The following BSN variants were observed in gnomAD, a reference collection of about 807,000 sequenced individuals.
The protein encoded by BSN is protein bassoon.
In BSN, 57 loss-of-function variants were observed where a neutral mutation model predicts 264.8. The observed-to-expected ratio is 0.22, with a 90% CI of 0.17 to 0.27. BSN has a LOEUF of 0.27. Among genes scored for constraint, BSN ranks in the 10% least tolerant of loss-of-function variants. The pLI is 1.00. For missense variants in BSN, 4,615 were observed against 5,232.5 expected (o/e 0.88, Z 3.64); for synonymous variants, 2,059 against 2,137.3 (o/e 0.96, Z 1.01).
At chr3:49,646,572 C>T (rs764494032) in intron 3 of BSN, among the ~76,000 whole-genome samples, 8 of 152,128 alleles carry the variant, frequency 5.3e-5, no homozygotes, top group Admixed American at 4.6e-4. Context: ...TTTAGGTTTC[C>T]GTGAGAACCA....
intron 1 of BSN, among the ~76,000 whole-genome samples, chr3:49,614,223 C>G (rs960967650): frequency 7.9e-5 from 12 of 152,022 alleles, no homozygotes; most frequent in Non-Finnish European, 1.5e-4. Flanking sequence ...CCACGCCCAG[C>G]TAATTTTTTG....
chr3:49,634,207 T>TAA (rs77766983), intron 2 of BSN, among the ~76,000 whole-genome samples: 1 of 139,914 alleles, frequency 7.1e-6, no homozygotes. Flanking sequence ...ACTCTGCCTT[T>TAA]AAAAAAAAAA....
At chr3:49,622,875 T>C (rs546654186) in intron 1 of BSN, among the ~76,000 whole-genome samples, 50 of 152,252 alleles carry the variant, frequency 3.3e-4, no homozygotes, top group African/African-American at 1.2e-3. Context: ...CCCTGAGGGG[T>C]TGGACTCAAA....
Position 49,664,460 on chromosome 3 carries a change from G to A in BSN, c.11646G>A (p.Gly3882=), listed in dbSNP as rs756655384. The change falls in exon 9 of 12, where the codon GGG becomes GGA. Residue 3882 remains glycine, a synonymous_variant. Transcript: ENST00000296452. ...KAGARPGGTP[G]APAGQPGADG... ...GAGCCAGGCCTGGAGGAACCCCAGG[G>A]GCTCCCGCCGGCCAGCCAGGTGCCG... 6.2e-7 allele frequency: 1 copy of A among 1,613,512 alleles called. No individual in the cohort carries two copies. The highest frequency in any genetic ancestry group is 8.5e-7 in the Non-Finnish European group (1 of 1,179,978).
At chr3:49,575,978 CCTTG>C (rs2051842765) in intron 1 of BSN, among the ~76,000 whole-genome samples, 2 of 151,980 alleles carry the variant, frequency 1.3e-5, no homozygotes, top group African/African-American at 4.8e-5. Context: ...TTGCTTTGCA[CCTTG>C]CTTTTTTCAC....
intron 1 of BSN, 109 bp downstream of exon 1, chr3:49,554,935 G>T (rs2051653635): frequency 3.1e-6 from 2 of 637,184 alleles, no homozygotes; most frequent in East Asian, 4.3e-5. Context: ...ACGTCCGGCC[G>T]CACTCTGAAC....
chr3:49,661,353 C>T lies in BSN; in HGVS notation c.9508C>T (p.Pro3170Ser). Reference sequence around the variant, plus strand: ...TGAGGTGATCGCCAGCCCCGTTGTGCCCATGTCTTCAGCCCCATCTGAAAC... The same window carrying T: ...TGAGGTGATCGCCAGCCCCGTTGTGTCCATGTCTTCAGCCCCATCTGAAAC... Reference protein sequence around the residue: ...NYEVIASPVVPMSSAPSETSY... With the variant: ...NYEVIASPVVSMSSAPSETSY... The change falls in exon 6 of 12, where the codon CCC becomes TCC. Residue 3170 changes from proline (P) to serine (S), a missense_variant. Transcript: ENST00000296452. 6.2e-7 allele frequency: 1 copy of T among 1,614,000 alleles called. No individual in the cohort carries two copies.
chr3:49,662,861 T>A lies in BSN; in HGVS notation c.10718-15T>A. On this transcript the variant is annotated splice_polypyrimidine_tract_variant and intron_variant, in intron 6 of 11. Transcript: ENST00000296452. ...AGCCCGGGGGTTGATGGTATTCTGTTTTTGGTCTCTGAAGCGTATCACCTG... is the reference window on the plus strand; with the variant it reads ...AGCCCGGGGGTTGATGGTATTCTGTATTTGGTCTCTGAAGCGTATCACCTG... The A allele has an allele frequency of 3.2e-6, 5 of 1,542,970 alleles. No homozygotes were observed. Among genetic ancestry groups the A allele is most frequent in the Non-Finnish European group, 4.4e-6 (5 of 1,145,842 alleles).
chr3:49,559,065 T>TA (rs1312078640), intron 1 of BSN, among the ~76,000 whole-genome samples: 2 of 152,084 alleles, frequency 1.3e-5, no homozygotes, highest in Non-Finnish European at 2.9e-5. Context: ...TAGCTGGTAT[T>TA]ACAGGCACCC....
downstream of BSN, among the ~76,000 whole-genome samples, chr3:49,671,799 C>T (rs1334578380): frequency 2.6e-5 from 4 of 152,208 alleles, no homozygotes; most frequent in African/African-American, 9.6e-5. This position sits in a 1 kb window ranked among gnomAD's most constrained non-coding sequence, Gnocchi z 4.1. Context: ...TGAGGGACAG[C>T]ACCTCCATGG....
chr3:49,658,230 G>A (rs764783542), intron 5 of BSN, 34 bp downstream of exon 5: 2 of 1,505,608 alleles, frequency 1.3e-6, no homozygotes, highest in Admixed American at 2.2e-5. Context: ...GGGTGGGACA[G>A]GGGTCTCTGC....
chr3:49,583,743 G>T (rs1042650165), intron 1 of BSN, among the ~76,000 whole-genome samples: 3 of 152,102 alleles, frequency 2.0e-5, no homozygotes, highest in African/African-American at 7.2e-5. Flanking sequence ...ATGTGTTATA[G>T]GTCTATTCCG....
Position 49,663,643 on chromosome 3 carries a change from A to G in BSN, c.11485A>G (p.Thr3829Ala), listed in dbSNP as rs141948550. Residue 3829 changes from threonine (T) to alanine (A), a missense_variant, in exon 7 of 12, where the codon ACA becomes GCA. By Grantham distance (58) the Thr-to-Ala change is moderately conservative (BLOSUM62 0). This residue lies in a region of BSN where 3,415 missense variants were observed against 3,866.4 expected (regional missense o/e 0.88). Transcript: ENST00000296452. ...GCCTCAGCCAGGCCCCAGCACAGCC[A>G]CAGGTCCTCAACCAGCAGGACCGGT... ...GKPQPGPSTA[T>A]GPQPAGPPRA... The G allele has an allele frequency of 2.4e-5, 38 of 1,607,024 alleles. No individual in the cohort carries two copies. In the African/African-American group the frequency reaches 4.7e-4, roughly 20 times the overall value.
chr3:49,654,466 C>A lies in BSN; in HGVS notation c.4910C>A (p.Ala1637Asp), dbSNP rs772065772. 1 of 1,607,944 alleles carries A rather than the reference C, an allele frequency of 6.2e-7. No individual in the cohort carries two copies. The highest frequency in any genetic ancestry group is 8.5e-7 in the Non-Finnish European group (1 of 1,177,318). ...CTATATGGCTGGGGTGCCCTCCCTG[C>A]TGAGAACATCTCCCTGTGCCGGATC... The part of the protein sequence containing the change: ...LALYGWGALP[A>D]ENISLCRISS... The change falls in exon 5 of 12, where the codon GCT (alanine) becomes GAT (aspartate). Residue 1637 changes from alanine (A) to aspartate (D), a missense_variant. Ala to Asp is a moderately radical substitution (Grantham distance 126). Coordinates refer to ENST00000296452, the MANE Select transcript of BSN (RefSeq NM_003458.4). This position sits in a 1 kb window ranked among gnomAD's most constrained non-coding sequence, Gnocchi z 4.1.
intron 2 of BSN, among the ~76,000 whole-genome samples, chr3:49,626,163 T>A (rs2052339944): frequency 1.3e-5 from 2 of 152,308 alleles, no homozygotes; most frequent in East Asian, 3.9e-4. Context: ...TCTCACCAAA[T>A]GAGTTGGGGC....
chr3:49,601,324 G>A (rs2052072021), intron 1 of BSN, among the ~76,000 whole-genome samples: 1 of 152,220 alleles, frequency 6.6e-6, no homozygotes, highest in Non-Finnish European at 1.5e-5. Context: ...TGTCACATGT[G>A]AGACCTTCCC....
intron 1 of BSN, 150 bp downstream of exon 1, chr3:49,554,976 C>A (rs1439791929): frequency 1.6e-5 from 7 of 445,974 alleles, no homozygotes; most frequent in Non-Finnish European, 2.5e-5. Context: ...TGGGTGGTCG[C>A]GGGAAGCGGC....
intron 1 of BSN, among the ~76,000 whole-genome samples, chr3:49,614,899 T>G (rs2108049366): frequency 6.6e-6 from 1 of 152,274 alleles, no homozygotes; most frequent in South Asian, 2.1e-4. Context: ...GGCTGGGGAA[T>G]GAGGTCCCCA....
At chr3:49,556,056 A>T (rs1223194674) in intron 1 of BSN, among the ~76,000 whole-genome samples, 1 of 152,202 alleles carries the variant, frequency 6.6e-6, no homozygotes, top group Non-Finnish European at 1.5e-5. Context: ...TATACTAGCT[A>T]TAATAGTAAT....
Sources: allele counts gnomAD v4.1 joint callset (sites outside exome capture counted in the v4.1 genomes callset), GRCh38; gene constraint gnomAD v4.1.1; regional missense constraint gnomAD v4.1.1; non-coding constraint Gnocchi (gnomAD v3.1); transcripts MANE v1.5; gene names NCBI Gene and HGNC (gene_info 2026-07-23, HGNC 2026-07-21).